PCDHGB4: variants seen among roughly 807,000 people sequenced by gnomAD.
The protein encoded by PCDHGB4 is protocadherin gamma-B4.
PCDHGB4 carries 38 observed loss-of-function variants against 60.5 expected under a neutral mutation model. The observed-to-expected ratio is 0.63, with a 90% CI of 0.48 to 0.82. PCDHGB4 has a LOEUF of 0.82. Ranked by LOEUF, PCDHGB4 falls within the 40% of genes least tolerant of loss-of-function variation. The pLI is 0.00. For synonymous variants in PCDHGB4, 456 were observed against 509.7 expected, an observed-to-expected ratio of 0.89 and a Z score of 1.42; for missense variants, 1,109 against 1,209.6, an observed-to-expected ratio of 0.92 and a Z score of 1.23.
At chr5:141,399,511 C>T in intron 1 of PCDHGB4, 1 of 1,614,042 alleles carries the variant, frequency 6.2e-7, no homozygotes, top group Non-Finnish European at 8.5e-7. Context: ...CGAAAACAAC[C>T]CTCCTGGGGC....
intron 3 of PCDHGB4, among the ~76,000 whole-genome samples, chr5:141,507,802 T>G (rs886950696): frequency 6.6e-6 from 1 of 152,204 alleles, no homozygotes; most frequent in African/African-American, 2.4e-5. Context: ...GCCTGCGCCC[T>G]GGGGAACGGA....
intron 1 of PCDHGB4, chr5:141,413,590 G>A (rs759901330): frequency 1.2e-6 from 2 of 1,613,886 alleles, no homozygotes; most frequent in Non-Finnish European, 1.7e-6. Flanking sequence ...AAAATTCCAA[G>A]CAGAAAATCT....
chr5:141,396,631 A>C lies in PCDHGB4; in HGVS notation c.2397+6350A>C, dbSNP rs1471198116. 7 of 152,348 alleles carry C rather than the reference A, an allele frequency of 4.6e-5. No homozygotes were observed. The South Asian group carries it at 6.2e-4, about 14-fold the overall frequency. 9.4% of individuals were successfully genotyped at this position (152,348 alleles called of 1,614,324 possible). On this transcript the variant is annotated intron_variant, in intron 1 of 3. Transcript: ENST00000519479. ...TGAGACTCCGTCTCAAAAAAAAAAAAAACTAATATTAATAGTAAAAACTCG... is the reference window on the plus strand; with the variant it reads ...TGAGACTCCGTCTCAAAAAAAAAAACAACTAATATTAATAGTAAAAACTCG...
intron 1 of PCDHGB4, chr5:141,413,362 C>G: frequency 1.2e-6 from 2 of 1,613,988 alleles, no homozygotes; most frequent in South Asian, 1.1e-5. Context: ...GCCCCGGGAG[C>G]TGGCGGAGCG....
At chr5:141,421,754 A>G (rs1230343518) in intron 1 of PCDHGB4, 4 of 1,613,918 alleles carry the variant, frequency 2.5e-6, no homozygotes, top group East Asian at 2.2e-5. Context: ...CTCAGCCCTA[A>G]TAATTACTTT....
At chr5:141,423,424 T>C in intron 1 of PCDHGB4, 1 of 1,614,004 alleles carries the variant, frequency 6.2e-7, no homozygotes, top group Non-Finnish European at 8.5e-7. Flanking sequence ...TGAAGGCGGG[T>C]TGGCAGGTAT....
chr5:141,451,443 C>A (rs1184838490), intron 1 of PCDHGB4, among the ~76,000 whole-genome samples: 1 of 152,176 alleles, frequency 6.6e-6, no homozygotes, highest in Non-Finnish European at 1.5e-5. Context: ...CAGTTCCTTG[C>A]TGGTTGTTAG....
intron 1 of PCDHGB4, chr5:141,419,102 A>G (rs201327680): frequency 4.5e-5 from 73 of 1,613,748 alleles, no homozygotes; most frequent in Non-Finnish European, 5.9e-5. Flanking sequence ...TCGGGAGCAG[A>G]CCCCAGAGTA....
intron 1 of PCDHGB4, chr5:141,398,805 T>C: frequency 1.2e-6 from 2 of 1,613,964 alleles, no homozygotes; most frequent in Non-Finnish European, 1.7e-6. Flanking sequence ...GCGGCACCAC[T>C]GAGCTCCGGA....
chr5:141,403,377 T>A, intron 1 of PCDHGB4: 1 of 1,614,016 alleles, frequency 6.2e-7, no homozygotes. Flanking sequence ...GAAGTAAAAA[T>A]TAACGAAATC....
At chr5:141,397,842 G>T (rs7703108) in intron 1 of PCDHGB4, 79,958 of 516,008 alleles carry the variant, frequency 0.15, 7,302 homozygotes, top group African/African-American at 0.31. Flanking sequence ...ACTTGAAGCC[G>T]CAGAGGCTGT....
chr5:141,439,297 G>T (rs1252051365), intron 1 of PCDHGB4, among the ~76,000 whole-genome samples: 1 of 152,064 alleles, frequency 6.6e-6, no homozygotes, highest in African/African-American at 2.4e-5. Context: ...CATGGAAAAA[G>T]TAAAGCCCAG....
chr5:141,422,317 G>A (rs1266672163), intron 1 of PCDHGB4: 2 of 1,548,092 alleles, frequency 1.3e-6, no homozygotes, highest in Non-Finnish European at 1.7e-6. Context: ...CTCTCCTCCA[G>A]GTACAGTGAT....
intron 1 of PCDHGB4, chr5:141,417,232 G>A (rs997894028): frequency 6.6e-6 from 1 of 152,072 alleles, no homozygotes; most frequent in Admixed American, 6.6e-5. Context: ...AAAATTTGTT[G>A]CTTATCTTCA....
intron 1 of PCDHGB4, among the ~76,000 whole-genome samples, chr5:141,484,597 A>C (rs1345278081): frequency 1.3e-5 from 2 of 152,070 alleles, no homozygotes; most frequent in African/African-American, 4.8e-5. Flanking sequence ...CTCATTTAGA[A>C]TACTGGTTGA....
chr5:141,410,528 A>G (rs1464482105), intron 1 of PCDHGB4: 3 of 1,613,852 alleles, frequency 1.9e-6, no homozygotes, highest in Non-Finnish European at 2.5e-6. Flanking sequence ...CCTACATTCC[A>G]ATGAAGACAT....
At chr5:141,441,298 T>C (rs1289976355) in intron 1 of PCDHGB4, 1 of 152,150 alleles carries the variant, frequency 6.6e-6, no homozygotes, top group Non-Finnish European at 1.5e-5. Flanking sequence ...ATGTCTGATA[T>C]AAGAAAATGC....
chr5:141,438,681 G>T (rs2098050580), intron 1 of PCDHGB4, among the ~76,000 whole-genome samples: 1 of 142,154 alleles, frequency 7.0e-6, no homozygotes, highest in South Asian at 2.3e-4. Context: ...TGGAGTAGGG[G>T]ATGGAGTCTT....
intron 1 of PCDHGB4, among the ~76,000 whole-genome samples, chr5:141,480,240 C>CAAA (rs11374694): frequency 1.8e-5 from 2 of 114,046 alleles, no homozygotes; most frequent in Non-Finnish European, 3.8e-5. Context: ...CCTGTCTCTA[C>CAAA]AAAAAAAAAA....
Sources: allele counts gnomAD v4.1 joint callset (sites outside exome capture counted in the v4.1 genomes callset), GRCh38; gene constraint gnomAD v4.1.1; transcripts MANE v1.5; gene names NCBI Gene and HGNC (gene_info 2026-07-23, HGNC 2026-07-21).